CYSTM1: variants seen among roughly 807,000 people sequenced by gnomAD.
CYSTM1 encodes the protein cysteine rich transmembrane module containing 1, also known as cysteine-rich transmembrane module-containing protein 1.
In CYSTM1, 4 loss-of-function variants were observed where a neutral mutation model predicts 13.1. The observed-to-expected ratio is 0.31, with a 90% CI of 0.15 to 0.70. CYSTM1 has a LOEUF of 0.70. Among genes scored for constraint, CYSTM1 ranks in the 30% least tolerant of loss-of-function variants. The pLI is 0.72. For missense variants in CYSTM1, 96 were observed against 121.6 expected (o/e 0.79, Z 0.99); for synonymous variants, 36 against 42.7 (o/e 0.84, Z 0.62).
chr5:140,240,498 G>A (rs1335004988), intron 2 of CYSTM1, among the ~76,000 whole-genome samples: 5 of 151,788 alleles, frequency 3.3e-5, no homozygotes, highest in African/African-American at 7.3e-5. Context: ...GTACTGAGTG[G>A]CCCAGGACCC....
intron 2 of CYSTM1, among the ~76,000 whole-genome samples, chr5:140,222,596 T>C (rs1396230028): frequency 2.0e-5 from 3 of 152,232 alleles, no homozygotes; most frequent in Non-Finnish European, 2.9e-5. Flanking sequence ...AGTGTACTGG[T>C]AGACTTTGAA....
At chr5:140,176,886 G>C (rs1052852312) in intron 1 of CYSTM1, among the ~76,000 whole-genome samples, 1 of 151,874 alleles carries the variant, frequency 6.6e-6, no homozygotes, top group Admixed American at 6.6e-5. Context: ...TGACTAACAC[G>C]GTGAAACCCC....
At chr5:140,177,078 A>AAAAAAAAAAAAGC in intron 1 of CYSTM1, among the ~76,000 whole-genome samples, 1 of 135,614 alleles carries the variant, frequency 7.4e-6, no homozygotes, top group South Asian at 2.4e-4. Context: ...CAAAAAAAAA[A>AAAAAAAAAAAAGC]AAAAAAAAAT....
intron 1 of CYSTM1, among the ~76,000 whole-genome samples, chr5:140,193,529 G>T (rs1337376931): frequency 6.6e-6 from 1 of 152,084 alleles, no homozygotes; most frequent in Non-Finnish European, 1.5e-5. Context: ...CGCCCGCCTC[G>T]GCCTCCCAAA....
intron 2 of CYSTM1, chr5:140,201,708 T>A (rs1263878430): frequency 6.6e-6 from 1 of 152,236 alleles, no homozygotes; most frequent in Non-Finnish European, 1.5e-5. Context: ...GCTCTTAGTG[T>A]TTAGGCTTTC....
intron 2 of CYSTM1, among the ~76,000 whole-genome samples, chr5:140,216,483 C>G (rs556472832): frequency 6.6e-6 from 1 of 152,122 alleles, no homozygotes; most frequent in Admixed American, 6.5e-5. Flanking sequence ...GATGGGGGTC[C>G]GTGGAGACAG....
chr5:140,191,430 A>C (rs1215287749), intron 1 of CYSTM1, among the ~76,000 whole-genome samples: 1 of 152,170 alleles, frequency 6.6e-6, no homozygotes, highest in African/African-American at 2.4e-5. Context: ...AATGAGAGGG[A>C]AACATGATGA....
intron 1 of CYSTM1, among the ~76,000 whole-genome samples, chr5:140,188,247 G>C (rs1007808680): frequency 1.3e-5 from 2 of 151,140 alleles, no homozygotes; most frequent in Non-Finnish European, 3.0e-5. Flanking sequence ...ATTTTTTTGC[G>C]GGGGGAAGGG....
chr5:140,177,800 C>T (rs2436391), intron 1 of CYSTM1, among the ~76,000 whole-genome samples: 77,239 of 152,008 alleles, frequency 0.51, 19,862 homozygotes, highest in East Asian at 0.55. Context: ...AATCAGATGT[C>T]TTGGCCTCAT....
At chr5:140,215,208 A>T in intron 2 of CYSTM1, among the ~76,000 whole-genome samples, 1 of 152,228 alleles carries the variant, frequency 6.6e-6, no homozygotes, top group Non-Finnish European at 1.5e-5. Context: ...GGTGCCTTTT[A>T]AAAAATCAAT....
intron 2 of CYSTM1, among the ~76,000 whole-genome samples, chr5:140,196,372 A>G (rs1764159571): frequency 6.6e-6 from 1 of 152,210 alleles, no homozygotes; most frequent in East Asian, 1.9e-4. Flanking sequence ...TTAGTTCTTT[A>G]CTAATCAAAA....
chr5:140,239,980 C>A lies in CYSTM1; in HGVS notation c.188-3325C>A, dbSNP rs1764728153. 6.6e-6 allele frequency among the ~76,000 whole-genome samples: 1 copy of A among 152,110 alleles called. No individual in the cohort carries two copies. The highest frequency in any genetic ancestry group is 6.5e-5 in the Admixed American group (1 of 15,280). On this transcript the variant is annotated intron_variant, in intron 2 of 2. Transcript: ENST00000261811. The surrounding 1 kb of genome is among the most constrained non-coding windows in gnomAD (Gnocchi z 5.4). ...GGCGCTGATGCTTATGGAAGGAAACCAGTCCTTAAGACCCTGCCCGCGTCA... is the reference window on the plus strand; with the variant it reads ...GGCGCTGATGCTTATGGAAGGAAACAAGTCCTTAAGACCCTGCCCGCGTCA...
At chr5:140,189,805 AAG>A (rs1248696898) in intron 1 of CYSTM1, among the ~76,000 whole-genome samples, 2 of 152,148 alleles carry the variant, frequency 1.3e-5, no homozygotes, top group Non-Finnish European at 2.9e-5. Flanking sequence ...ATATATATCT[AAG>A]AGCTTCTGGG....
At chr5:140,203,537 C>T (rs1377461314) in intron 2 of CYSTM1, among the ~76,000 whole-genome samples, 1 of 152,210 alleles carries the variant, frequency 6.6e-6, no homozygotes, top group Non-Finnish European at 1.5e-5. Flanking sequence ...CCACAAGTTT[C>T]AGTGGTGACA....
intron 1 of CYSTM1, 100 bp from the exon 2 acceptor site, chr5:140,194,346 A>G: frequency 8.7e-7 from 1 of 1,146,656 alleles, no homozygotes; most frequent in Non-Finnish European, 1.2e-6. Flanking sequence ...GGCTTGATAC[A>G]CCTTGAAGGT....
intron 2 of CYSTM1, among the ~76,000 whole-genome samples, chr5:140,212,922 C>T (rs568566864): frequency 1.9e-4 from 29 of 149,368 alleles, no homozygotes; most frequent in African/African-American, 6.6e-4. Flanking sequence ...GAGCCATGAT[C>T]ATGCTAATGC....
intron 2 of CYSTM1, among the ~76,000 whole-genome samples, chr5:140,227,888 C>G (rs1175368283): frequency 6.6e-6 from 1 of 152,098 alleles, no homozygotes; most frequent in Non-Finnish European, 1.5e-5. Context: ...CTCTCCACAC[C>G]CTGACCTTTA....
intron 2 of CYSTM1, among the ~76,000 whole-genome samples, chr5:140,242,791 T>G (rs530904743): frequency 3.7e-4 from 57 of 152,364 alleles, no homozygotes; most frequent in African/African-American, 1.4e-3. Context: ...TCATCGTTTA[T>G]GTCAAGGTAT....
At chr5:140,196,638 C>T (rs943468662) in intron 2 of CYSTM1, among the ~76,000 whole-genome samples, 4 of 152,142 alleles carry the variant, frequency 2.6e-5, no homozygotes, top group Non-Finnish European at 5.9e-5. Flanking sequence ...CCAGTATAAT[C>T]GGAGTAGTTG....
Sources: allele counts gnomAD v4.1 joint callset (sites outside exome capture counted in the v4.1 genomes callset), GRCh38; gene constraint gnomAD v4.1.1; non-coding constraint Gnocchi (gnomAD v3.1); transcripts MANE v1.5; gene names NCBI Gene and HGNC (gene_info 2026-07-23, HGNC 2026-07-21).